Variants in KIF2A observed in about 807,000 individuals in gnomAD.
The protein encoded by KIF2A is kinesin-like protein KIF2A.
Under a neutral mutation model 100.2 loss-of-function variants are expected in KIF2A, and 22 were observed. That is an observed-to-expected ratio of 0.22 (90% CI 0.16 to 0.31). KIF2A has a LOEUF of 0.31. Among genes scored for constraint, KIF2A ranks in the 10% least tolerant of loss-of-function variants. KIF2A has a pLI of 1.00. For synonymous variants in KIF2A, 268 were observed against 285.9 expected, an observed-to-expected ratio of 0.94 and a Z score of 0.63; for missense variants, 495 against 898.7, an observed-to-expected ratio of 0.55 and a Z score of 5.74.
chr5:62,341,922 T>C (rs1050278802), intron 1 of KIF2A, among the ~76,000 whole-genome samples: 1 of 152,158 alleles, frequency 6.6e-6, no homozygotes, highest in African/African-American at 2.4e-5. Context: ...TCTTTTTTCT[T>C]TTTTTTCCAA....
In KIF2A at chr5:62,362,985, C is replaced by T. The variant is rs537944438; in HGVS notation, c.1120-193C>T. On this transcript the variant is annotated intron_variant, in intron 12 of 20. Coordinates refer to ENST00000407818, the MANE Select transcript of KIF2A (RefSeq NM_001098511.3). ...GCGACTATAGGCATGCACCACCATGCCCAGCTAATTTGTTTTATTTTTAGC... is the reference window on the plus strand; with the variant it reads ...GCGACTATAGGCATGCACCACCATGTCCAGCTAATTTGTTTTATTTTTAGC... Among the ~76,000 whole-genome samples, 8 of 152,258 alleles carry T rather than the reference C, an allele frequency of 5.3e-5. No individual in the cohort carries two copies. In the South Asian group the frequency reaches 1.7e-3, roughly 32 times the overall value.
intron 16 of KIF2A, among the ~76,000 whole-genome samples, chr5:62,367,744 AT>A: frequency 6.6e-6 from 1 of 152,180 alleles, no homozygotes; most frequent in Non-Finnish European, 1.5e-5. Context: ...TAATGGGCAT[AT>A]TTATATTTGA....
chr5:62,340,169 T>C (rs1747222072), intron 1 of KIF2A, among the ~76,000 whole-genome samples: 1 of 152,072 alleles, frequency 6.6e-6, no homozygotes, highest in Non-Finnish European at 1.5e-5. Context: ...ACTCCTGATC[T>C]CTGGTGATCC....
intron 16 of KIF2A, among the ~76,000 whole-genome samples, chr5:62,369,443 G>A (rs182382555): frequency 3.3e-5 from 5 of 152,282 alleles, no homozygotes; most frequent in East Asian, 1.9e-4. Flanking sequence ...TCACTATCAC[G>A]AGAACAGCCT....
chr5:62,385,424 T>C (rs1446961967), intron 20 of KIF2A, 60 bp from the exon 21 acceptor site: 2 of 1,191,876 alleles, frequency 1.7e-6, no homozygotes, highest in Non-Finnish European at 2.4e-6. Flanking sequence ...ACCCATAAAG[T>C]TGTAAACTCT....
intron 20 of KIF2A, among the ~76,000 whole-genome samples, chr5:62,383,899 G>A (rs1328410038): frequency 6.6e-6 from 1 of 151,966 alleles, no homozygotes; most frequent in African/African-American, 2.4e-5. Flanking sequence ...TAGATATATT[G>A]CATTATTCAG....
chr5:62,320,264 T>A (rs1746032307), intron 1 of KIF2A, among the ~76,000 whole-genome samples: 1 of 152,188 alleles, frequency 6.6e-6, no homozygotes, highest in African/African-American at 2.4e-5. Flanking sequence ...ACATTTACAT[T>A]TGTGCCTAAT....
At chr5:62,357,581 T>C (rs1440244966) in intron 7 of KIF2A, 110 bp from the exon 8 acceptor site, 29 of 511,188 alleles carry the variant, frequency 5.7e-5, no homozygotes, top group Non-Finnish European at 8.1e-5. Context: ...ACCTATCATT[T>C]ATGCTATGTA....
At chr5:62,350,889 G>A (rs1009250311) in intron 4 of KIF2A, among the ~76,000 whole-genome samples, 47 of 150,820 alleles carry the variant, frequency 3.1e-4, no homozygotes, top group African/African-American at 1.1e-3. Flanking sequence ...TCCAGTCTGG[G>A]CGACAGAGCG....
intron 1 of KIF2A, among the ~76,000 whole-genome samples, chr5:62,323,003 T>TC (rs1213884014): frequency 1.4e-5 from 2 of 147,496 alleles, no homozygotes; most frequent in Non-Finnish European, 3.0e-5. Context: ...ATGCCTGTAA[T>TC]CCCAGCACTT....
chr5:62,322,864 G>GT (rs36138729), intron 1 of KIF2A, among the ~76,000 whole-genome samples: 55,385 of 134,158 alleles, frequency 0.41, 12,689 homozygotes, highest in Non-Finnish European at 0.52. Context: ...TGGTTTTTGG[G>GT]TTTTTTTTTT....
chr5:62,345,379 C>G (rs969821274), intron 1 of KIF2A, among the ~76,000 whole-genome samples: 3 of 148,806 alleles, frequency 2.0e-5, no homozygotes, highest in African/African-American at 7.4e-5. Context: ...CAGAGCAAGA[C>G]TCTGTCTCAA....
chr5:62,381,947 A>G (rs936244262), intron 20 of KIF2A, among the ~76,000 whole-genome samples: 1 of 152,210 alleles, frequency 6.6e-6, no homozygotes, highest in Non-Finnish European at 1.5e-5. Context: ...TGCCTTACCT[A>G]CTAAGTCGTG....
chr5:62,306,437 C>T lies in KIF2A; in HGVS notation c.-36C>T. On this transcript the variant is annotated 5_prime_UTR_variant, in exon 1 of 21. Coordinates refer to ENST00000407818, the MANE Select transcript of KIF2A (RefSeq NM_001098511.3). The stretch of plus-strand genomic sequence containing the variant: ...CCGCCTTTTCCGCCCTCCGGTCCCC[C>T]TCCCTCGGCCCGCTGCTGCTGCTCC... 4 of 1,525,814 alleles carry T rather than the reference C, an allele frequency of 2.6e-6. No homozygotes were observed. Among genetic ancestry groups the T allele is most frequent in the Non-Finnish European group, 3.5e-6 (4 of 1,130,044 alleles). The allele number at this position is 1,525,814 out of a possible 1,614,324, so 94.5% of individuals were successfully genotyped here. A position where few individuals can be genotyped will look rare whatever the true frequency, so the allele number is the denominator to read the frequency against.
Position 62,323,867 on chromosome 5 carries a change from G to T in KIF2A, c.64+17331G>T, listed in dbSNP as rs558970928. On this transcript the variant is annotated intron_variant, in intron 1 of 20. Coordinates refer to ENST00000407818, the MANE Select transcript of KIF2A (RefSeq NM_001098511.3). ...AGCCTGGGCAACATGGCAAAACCTC[G>T]TCTCTACTCTGCAAAAATTAGCCGA... is the stretch of plus-strand genomic sequence containing the variant. Among the ~76,000 whole-genome samples the T allele has an allele frequency of 1.3e-4, 19 of 151,916 alleles. No individual in the cohort carries two copies. The East Asian group carries it at 3.7e-3, about 29-fold the overall frequency.
rs759282525 is a variant in KIF2A, at chr5:62,366,487, A to G, written c.1646+6A>G. 6.6e-7 allele frequency: 1 copy of G among 1,509,764 alleles called. No homozygotes were observed. The highest frequency in any genetic ancestry group is 1.2e-5 in the South Asian group (1 of 85,238). The allele number at this position is 1,509,764 out of a possible 1,614,324, so 93.5% of individuals were successfully genotyped here. ...ACATTAAGATATGCAAATAGGTATG[A>G]GAGATAGTTCTCCATTTTGAAATTT... On this transcript the variant is annotated splice_donor_region_variant and intron_variant, in intron 16 of 20. Transcript: ENST00000407818.
At position 62,370,396 on chromosome 5, in the gene KIF2A, C is replaced by T. The variant is rs192996192; in HGVS notation, c.1647-2042C>T. 3.5e-3 allele frequency among the ~76,000 whole-genome samples: 532 copies of T among 152,176 alleles called. 2 individuals carry two copies. Among genetic ancestry groups the T allele is most frequent in the African/African-American group, 0.012 (497 of 41,522 alleles). ...GCAGCCTCTGACTCCGGGGTTCAAG[C>T]GATTCTCCTGCCTCAGCCTCCCGAG... On this transcript the variant is annotated intron_variant, in intron 16 of 20. Coordinates refer to ENST00000407818, the MANE Select transcript of KIF2A (RefSeq NM_001098511.3).
At position 62,385,596 on chromosome 5, in the gene KIF2A, C is replaced by T; in HGVS notation, c.*27C>T. Reference sequence around the variant, plus strand: ...CCGGCATTTGCTGCTAAAGGATACCCAGAACCCTCACTACTGTAACATACA... The same window carrying T: ...CCGGCATTTGCTGCTAAAGGATACCTAGAACCCTCACTACTGTAACATACA... On this transcript the variant is annotated 3_prime_UTR_variant, in exon 21 of 21. Coordinates refer to ENST00000407818, the MANE Select transcript of KIF2A (RefSeq NM_001098511.3). 1.3e-6 allele frequency: 2 copies of T among 1,494,704 alleles called. No individual in the cohort carries two copies. The highest frequency in any genetic ancestry group is 2.4e-5 in the South Asian group (2 of 83,552). The allele number at this position is 1,494,704 out of a possible 1,614,324, so 92.6% of individuals were successfully genotyped here. A position where few individuals can be genotyped will look rare whatever the true frequency, so the allele number is the denominator to read the frequency against.
intron 20 of KIF2A, among the ~76,000 whole-genome samples, chr5:62,384,484 A>ATATT: frequency 6.6e-6 from 1 of 152,258 alleles, no homozygotes; most frequent in East Asian, 1.9e-4. Flanking sequence ...GCCTTGTACA[A>ATATT]TATTTACCAG....
Sources: gnomAD v4.1 joint callset for allele counts (sites outside exome capture counted in the v4.1 genomes callset) on GRCh38, gnomAD v4.1.1 for gene constraint, MANE v1.5 for transcripts, NCBI Gene and HGNC (gene_info 2026-07-23, HGNC 2026-07-21) for gene names.